LCLAT1: variants seen among roughly 807,000 people sequenced by gnomAD.
LCLAT1 encodes lysocardiolipin acyltransferase 1, also known as 1-AGP acyltransferase 8.
Under a neutral mutation model 30.7 loss-of-function variants are expected in LCLAT1, and 11 were observed. The observed-to-expected ratio is 0.36, with a 90% CI of 0.23 to 0.59. LCLAT1 has a LOEUF of 0.59. Ranked by LOEUF, LCLAT1 falls within the 20% of genes least tolerant of loss-of-function variation. LCLAT1 has a pLI of 0.77. For synonymous variants in LCLAT1, 155 were observed against 151.3 expected, an observed-to-expected ratio of 1.02 and a Z score of -0.18; for missense variants, 402 against 458.6, an observed-to-expected ratio of 0.88 and a Z score of 1.13.
intron 3 of LCLAT1, among the ~76,000 whole-genome samples, chr2:30,538,679 A>T (rs952158918): frequency 1.3e-5 from 2 of 152,166 alleles, no homozygotes; most frequent in East Asian, 1.9e-4. Context: ...TAATAAAAAA[A>T]TTAGAAATGT....
intron 3 of LCLAT1, among the ~76,000 whole-genome samples, chr2:30,534,448 T>G (rs959049863): frequency 1.3e-5 from 2 of 152,070 alleles, no homozygotes; most frequent in Non-Finnish European, 2.9e-5. Flanking sequence ...TGGCTAATTT[T>G]TTGGTATTTT....
chr2:30,568,173 GA>G lies in LCLAT1; in HGVS notation c.627del (p.Gly210ValfsTer43). The part of the protein sequence containing the change: ...GFTFVVDRLR[E>X]GKNLDAVHDI... ...TACTTTTGTGGTAGACCGTCTAAGAGAAGGTAAGCACCCATTTCAAAATGTA... is the reference window on the plus strand; with the variant it reads ...TACTTTTGTGGTAGACCGTCTAAGAGAGGTAAGCACCCATTTCAAAATGTA... On this transcript the variant is annotated frameshift_variant and splice_region_variant, in exon 5 of 6. Coordinates refer to ENST00000379509, the MANE Select transcript of LCLAT1 (RefSeq NM_001002257.3). LOFTEE classifies it low-confidence loss of function (END_TRUNC). 6.5e-7 allele frequency: 1 copy of G among 1,537,616 alleles called. No individual in the cohort carries two copies. The highest frequency in any genetic ancestry group is 2.3e-5 in the East Asian group (1 of 44,106).
intron 3 of LCLAT1, among the ~76,000 whole-genome samples, chr2:30,533,570 T>C (rs946322816): frequency 9.2e-5 from 14 of 152,234 alleles, no homozygotes. Context: ...GACCACAGCA[T>C]TGAAGGATAT....
At chr2:30,629,859 A>C (rs760598659) in intron 5 of LCLAT1, among the ~76,000 whole-genome samples, 8 of 152,182 alleles carry the variant, frequency 5.3e-5, no homozygotes, top group Non-Finnish European at 1.0e-4. Context: ...ATGTTTTAGA[A>C]AGTCTTTAAC....
chr2:30,628,990 T>C (rs1668641053), intron 5 of LCLAT1, among the ~76,000 whole-genome samples: 1 of 152,154 alleles, frequency 6.6e-6, no homozygotes, highest in South Asian at 2.1e-4. Context: ...AGAGGACTAA[T>C]AATCTGTGAT....
intron 1 of LCLAT1, among the ~76,000 whole-genome samples, chr2:30,455,322 C>T (rs829581): frequency 0.88 from 133,553 of 152,186 alleles, 59,023 homozygotes; most frequent in African/African-American, 0.97. Flanking sequence ...TTTATACTAG[C>T]TTCCTCTGGC....
intron 1 of LCLAT1, among the ~76,000 whole-genome samples, chr2:30,522,962 T>C (rs1228346237): frequency 2.0e-5 from 3 of 152,166 alleles, no homozygotes; most frequent in African/African-American, 7.2e-5. Flanking sequence ...TTTTATTATA[T>C]GATAGCTAAT....
chr2:30,467,842 C>CT (rs1187052295), intron 1 of LCLAT1, among the ~76,000 whole-genome samples: 7 of 152,090 alleles, frequency 4.6e-5, no homozygotes, highest in African/African-American at 1.4e-4. Context: ...GGTATTAGCC[C>CT]TTTGTCAGAT....
chr2:30,633,639 C>T (rs772449287), intron 5 of LCLAT1, among the ~76,000 whole-genome samples: 12 of 152,094 alleles, frequency 7.9e-5, no homozygotes, highest in Non-Finnish European at 1.5e-4. Flanking sequence ...GAGCCGAGGT[C>T]ACGCCACTGC....
intron 3 of LCLAT1, among the ~76,000 whole-genome samples, chr2:30,552,980 G>A (rs567745406): frequency 2.1e-3 from 321 of 152,130 alleles, no homozygotes; most frequent in African/African-American, 7.3e-3. Flanking sequence ...TCTTTCTTCC[G>A]CCCTGCTTTT....
chr2:30,626,162 T>C (rs1307364887), intron 5 of LCLAT1, among the ~76,000 whole-genome samples: 1 of 152,220 alleles, frequency 6.6e-6, no homozygotes, highest in Non-Finnish European at 1.5e-5. Context: ...AATAATATGC[T>C]GTCTCTGGTC....
rs1307283457 is a variant in LCLAT1 at position 30,637,555 on chromosome 2, T to C, written c.629-2562T>C. Among the ~76,000 whole-genome samples, 5 of 152,094 alleles carry C rather than the reference T, an allele frequency of 3.3e-5. No homozygotes were observed. The East Asian group carries it at 9.7e-4, about 29-fold the overall frequency. Reference sequence around the variant, plus strand: ...CTTGATAGCTCAGTCACAAAGCTTTTCCCATGGGCTTCTGACTACTGGCCC... The same window carrying C: ...CTTGATAGCTCAGTCACAAAGCTTTCCCCATGGGCTTCTGACTACTGGCCC... On this transcript the variant is annotated intron_variant, in intron 5 of 5. Coordinates refer to ENST00000379509, the MANE Select transcript of LCLAT1 (RefSeq NM_001002257.3).
At chr2:30,555,369 A>G (rs1412434545) in intron 3 of LCLAT1, among the ~76,000 whole-genome samples, 1 of 152,184 alleles carries the variant, frequency 6.6e-6, no homozygotes, top group Non-Finnish European at 1.5e-5. Flanking sequence ...ACAGAAAGAC[A>G]TAGGCAACAA....
intron 5 of LCLAT1, among the ~76,000 whole-genome samples, chr2:30,574,032 T>C (rs1448414330): frequency 2.0e-5 from 3 of 151,844 alleles, no homozygotes; most frequent in Non-Finnish European, 4.4e-5. Flanking sequence ...ATCCCAGATA[T>C]TCGGGAGGCT....
chr2:30,642,660 T>C lies in LCLAT1; in HGVS notation c.*2041T>C, dbSNP rs563689245. 6.6e-6 allele frequency: 1 copy of C among 152,046 alleles called. No individual in the cohort carries two copies. Among genetic ancestry groups the C allele is most frequent in the Admixed American group, 6.6e-5 (1 of 15,262 alleles). The allele number at this position is 152,046 out of a possible 1,614,324, so 9.4% of individuals were successfully genotyped here. ...CAAGGTGTAACAACATTTAATTGCA[T>C]GTCCTCTAACGCTTTGAAACCTTTA... On this transcript the variant is annotated 3_prime_UTR_variant, in exon 6 of 6. Transcript: ENST00000379509.
At chr2:30,510,601 A>G (rs1684894665) in intron 1 of LCLAT1, among the ~76,000 whole-genome samples, 1 of 152,150 alleles carries the variant, frequency 6.6e-6, no homozygotes, top group Non-Finnish European at 1.5e-5. Flanking sequence ...AGGCTCTGTT[A>G]ATGTGGAATG....
chr2:30,622,902 A>G (rs1668333086), intron 5 of LCLAT1, among the ~76,000 whole-genome samples: 1 of 152,334 alleles, frequency 6.6e-6, no homozygotes, highest in Non-Finnish European at 1.5e-5. Context: ...AAGGTTCTTT[A>G]AGAGCCCCAA....
intron 3 of LCLAT1, among the ~76,000 whole-genome samples, chr2:30,557,625 G>A (rs1171923228): frequency 6.6e-6 from 1 of 151,938 alleles, no homozygotes; most frequent in East Asian, 1.9e-4. Context: ...ATGTTGGCCA[G>A]GCTGGTCTCG....
intron 4 of LCLAT1, among the ~76,000 whole-genome samples, chr2:30,562,607 C>T (rs1049194987): frequency 1.3e-5 from 2 of 152,112 alleles, no homozygotes; most frequent in African/African-American, 4.8e-5. Context: ...GTTTCTAGCC[C>T]ATTGAATTTA....
Sources: gnomAD v4.1 joint callset for allele counts (sites outside exome capture counted in the v4.1 genomes callset) on GRCh38, gnomAD v4.1.1 for gene constraint, MANE v1.5 for transcripts, NCBI Gene and HGNC (gene_info 2026-07-23, HGNC 2026-07-21) for gene names.